Variants in DNAH8 observed in about 807,000 individuals in gnomAD.
The protein encoded by DNAH8 is dynein axonemal heavy chain 8.
A neutral mutation model predicts 562.1 loss-of-function variants in DNAH8; 382 were observed. The observed-to-expected ratio is 0.68, with a 90% confidence interval of 0.63 to 0.74. The LOEUF is 0.74. Ranked by LOEUF, DNAH8 falls within the 30% of genes least tolerant of loss-of-function variation. DNAH8 has a pLI of 0.00. For missense variants in DNAH8, 5,203 were observed against 5,620.4 expected, an observed-to-expected ratio of 0.93 and a Z score of 2.37; for synonymous variants, 1,881 against 1,919.4, an observed-to-expected ratio of 0.98 and a Z score of 0.52.
At chr6:38,791,978 C>T (rs928390541) in intron 21 of DNAH8, among the ~76,000 whole-genome samples, 1 of 152,156 alleles carries the variant, frequency 6.6e-6, no homozygotes, top group Admixed American at 6.5e-5. Flanking sequence ...TTTCTCATGG[C>T]TTTAACTCCA....
rs1196316242 is a variant in DNAH8 at position 38,982,479 on chromosome 6, CT to C, written c.12951+23del. The C allele has an allele frequency of 6.5e-6, 8 of 1,225,528 alleles. No individual in the cohort carries two copies. Among genetic ancestry groups the C allele is most frequent in the Non-Finnish European group, 9.7e-6 (8 of 827,826 alleles). The allele number at this position is 1,225,528 out of a possible 1,614,324, so 75.9% of individuals were successfully genotyped here. A position where few individuals can be genotyped will look rare whatever the true frequency, so the allele number is the denominator to read the frequency against. Reference sequence around the variant, plus strand: ...ATTAAGAAAGTGAGTGAAATTATGCCTTTTTTCCTGTTTTTATTGCTCTTCT... The same window carrying C: ...ATTAAGAAAGTGAGTGAAATTATGCCTTTTTCCTGTTTTTATTGCTCTTCT... On this transcript the variant is annotated intron_variant, in intron 86 of 92. Coordinates refer to ENST00000327475, the MANE Select transcript of DNAH8 (RefSeq NM_001206927.2).
rs970824663 is a variant in DNAH8 at position 38,754,587 on chromosome 6, G to T, written c.1408-1385G>T. On this transcript the variant is annotated intron_variant, in intron 9 of 92. Coordinates refer to ENST00000327475, the MANE Select transcript of DNAH8 (RefSeq NM_001206927.2). ...AAACACATTTTATATATTTTATCTTGTCTTATCAATTAAAAGGAAAGTTCC... is the reference window on the plus strand; with the variant it reads ...AAACACATTTTATATATTTTATCTTTTCTTATCAATTAAAAGGAAAGTTCC... Among the ~76,000 whole-genome samples the T allele has an allele frequency of 5.3e-5, 8 of 151,860 alleles. No homozygotes were observed. The East Asian group carries it at 1.5e-3, about 29-fold the overall frequency.
intron 30 of DNAH8, among the ~76,000 whole-genome samples, chr6:38,831,297 C>T (rs963992562): frequency 6.6e-6 from 1 of 151,844 alleles, no homozygotes; most frequent in African/African-American, 2.4e-5. Flanking sequence ...TGGCAGCACA[C>T]ACCTGTAGTC....
intron 83 of DNAH8, 31 bp downstream of exon 83, chr6:38,971,696 C>A: frequency 6.6e-7 from 1 of 1,511,284 alleles, no homozygotes; most frequent in Non-Finnish European, 9.0e-7. Flanking sequence ...CCTGCTGCAA[C>A]ATTATTGCTA....
intron 74 of DNAH8, among the ~76,000 whole-genome samples, chr6:38,928,857 A>G (rs867839335): frequency 1.3e-5 from 2 of 152,190 alleles, no homozygotes; most frequent in Admixed American, 6.5e-5. Context: ...GCAGAGATGA[A>G]CCACTACAGT....
At chr6:38,762,405 C>T (rs60409236) in intron 11 of DNAH8, among the ~76,000 whole-genome samples, 5,443 of 152,170 alleles carry the variant, frequency 0.036, 344 homozygotes, top group African/African-American at 0.12. Flanking sequence ...ACTGTCCTAA[C>T]GTTTCTGGGT....
intron 79 of DNAH8, among the ~76,000 whole-genome samples, chr6:38,942,587 A>G (rs6919432): frequency 0.3 from 45,481 of 152,164 alleles, 6,999 homozygotes; most frequent in Middle Eastern, 0.37. Context: ...TGGCTGGCAC[A>G]CAGCAGAGAC....
intron 17 of DNAH8, among the ~76,000 whole-genome samples, chr6:38,784,135 A>G (rs1014592856): frequency 6.6e-6 from 1 of 152,054 alleles, no homozygotes; most frequent in Non-Finnish European, 1.5e-5. Flanking sequence ...ACCGTAGGTA[A>G]GCCTTTAATA....
At chr6:38,728,892 G>A (rs1698998) in intron 3 of DNAH8, among the ~76,000 whole-genome samples, 28,110 of 152,034 alleles carry the variant, frequency 0.18, 2,988 homozygotes, top group African/African-American at 0.27. Flanking sequence ...GGATACTTCC[G>A]CTAGGCAGTC....
At chr6:38,854,960 GTATATAATACTATA>G (rs1274737916) in intron 41 of DNAH8, among the ~76,000 whole-genome samples, 1 of 147,420 alleles carries the variant, frequency 6.8e-6, no homozygotes, top group African/African-American at 2.5e-5. Flanking sequence ...TTTATACAAT[GTATATAATACTATA>G]TATATAATAC....
intron 21 of DNAH8, among the ~76,000 whole-genome samples, chr6:38,800,056 C>T (rs1770637442): frequency 6.6e-6 from 1 of 152,152 alleles, no homozygotes; most frequent in Admixed American, 6.5e-5. Flanking sequence ...TCAAGCGATT[C>T]CCCTGTCTCA....
At chr6:38,996,283 C>G (rs566226347) in intron 88 of DNAH8, among the ~76,000 whole-genome samples, 1 of 152,174 alleles carries the variant, frequency 6.6e-6, no homozygotes, top group Admixed American at 6.5e-5. Flanking sequence ...CACATTTTAA[C>G]CTCTTTTATA....
At position 38,938,114 on chromosome 6, in the gene DNAH8, G is replaced by A. The variant is rs1413737705; in HGVS notation, c.11704G>A (p.Ala3902Thr). Residue 3902 changes from alanine (A) to threonine (T), a missense_variant, in exon 78 of 93, where the codon GCC (alanine) becomes ACC (threonine). Physicochemically the swap from Ala to Thr is moderately conservative, Grantham distance 58. Coordinates refer to ENST00000327475, the MANE Select transcript of DNAH8 (RefSeq NM_001206927.2). ...GGCTCAGGAGGAGTTCCGGCCCGCA[G>A]CCACCCGCGGAAGCATCCTCTACTT... is the stretch of plus-strand genomic sequence containing the variant. ...NAAQEEFRPA[A>T]TRGSILYFLI... The A allele has an allele frequency of 1.2e-6, 2 of 1,614,046 alleles. No individual in the cohort carries two copies. Among genetic ancestry groups the A allele is most frequent in the East Asian group, 4.5e-5 (2 of 44,850 alleles).
Position 38,802,758 on chromosome 6 carries a change from G to A in DNAH8, c.2902-421G>A, listed in dbSNP as rs114333371. Among the ~76,000 whole-genome samples the A allele has an allele frequency of 7.6e-3, 1,155 of 152,290 alleles. 10 individuals carry two copies. Among genetic ancestry groups the A allele is most frequent in the African/African-American group, 0.025 (1,059 of 41,554 alleles). ...GTGTAAAGCTCTTAAATTGATGCCT[G>A]TTATACAACACCATGCTCAATTAAA... On this transcript the variant is annotated intron_variant, in intron 21 of 92. Coordinates refer to ENST00000327475, the MANE Select transcript of DNAH8 (RefSeq NM_001206927.2).
At chr6:38,852,243 A>T (rs1184207131) in intron 39 of DNAH8, among the ~76,000 whole-genome samples, 4 of 152,178 alleles carry the variant, frequency 2.6e-5, no homozygotes, top group African/African-American at 9.7e-5. Flanking sequence ...TCCCAGGGCC[A>T]ATTCTGGTCT....
At chr6:38,919,637 A>G (rs1781551550) in intron 70 of DNAH8, among the ~76,000 whole-genome samples, 1 of 152,240 alleles carries the variant, frequency 6.6e-6, no homozygotes, top group Admixed American at 6.5e-5. Context: ...AATTATATTC[A>G]ATGGTAAAAG....
chr6:38,971,693 C>G (rs1400752423), intron 83 of DNAH8, 28 bp downstream of exon 83: 1 of 1,529,558 alleles, frequency 6.5e-7, no homozygotes, highest in African/African-American at 1.4e-5. Context: ...GCTCCTGCTG[C>G]AACATTATTG....
At chr6:38,722,568 T>C (rs1762836571) in intron 1 of DNAH8, among the ~76,000 whole-genome samples, 1 of 134,308 alleles carries the variant, frequency 7.4e-6, no homozygotes, top group Non-Finnish European at 1.6e-5. Context: ...CTGAAAAAGC[T>C]CCCAGGTGGG....
chr6:38,794,337 A>G (rs1414319470), intron 21 of DNAH8, among the ~76,000 whole-genome samples: 1 of 152,026 alleles, frequency 6.6e-6, no homozygotes, highest in South Asian at 2.1e-4. Flanking sequence ...GTTATGAAAA[A>G]ACAAAGCCCA....
Sources: gnomAD v4.1 joint callset for allele counts (sites outside exome capture counted in the v4.1 genomes callset) on GRCh38, gnomAD v4.1.1 for gene constraint, MANE v1.5 for transcripts, NCBI Gene and HGNC (gene_info 2026-07-23, HGNC 2026-07-21) for gene names.